NSF: variants seen among roughly 807,000 people sequenced by gnomAD.
The protein encoded by NSF is vesicle-fusing ATPase.
Under a neutral mutation model 50.3 loss-of-function variants are expected in NSF, and 14 were observed. The observed-to-expected ratio is 0.28, with a 90% confidence interval of 0.18 to 0.44. NSF has a LOEUF of 0.44. Ranked by LOEUF, NSF falls within the 20% of genes least tolerant of loss-of-function variation. The probability of loss-of-function intolerance (pLI) is 1.00; values close to 1 mark genes in which losing one functional copy is unlikely to be tolerated. For synonymous variants in NSF, 109 were observed against 175.7 expected, an observed-to-expected ratio of 0.62 and a Z score of 3.00; for missense variants, 218 against 504.3, an observed-to-expected ratio of 0.43 and a Z score of 5.44.
chr17:46,712,838 T>C (rs1205376475), intron 14 of NSF, among the ~76,000 whole-genome samples: 1 of 151,908 alleles, frequency 6.6e-6, no homozygotes, highest in Non-Finnish European at 1.5e-5. Context: ...AAAGAGAGAA[T>C]GTGTGTTACA....
In NSF at chr17:46,755,366, G is replaced by A. The variant is rs754877193; in HGVS notation, c.2210G>A (p.Gly737Glu). The A allele has an allele frequency of 6.2e-7, 1 of 1,612,642 alleles. No homozygotes were observed. Among genetic ancestry groups the A allele is most frequent in the Non-Finnish European group, 8.5e-7 (1 of 1,178,594 alleles). ...RKFLALLREE[G>E]ASPLDFD ...TTCTTGGCCCTCTTAAGAGAAGAAG[G>A]AGCGTAAGTACATACAACATTTAAT... The change falls in exon 20 of 21, where the codon GGA becomes GAA. Residue 737 changes from glycine to glutamate, a missense_variant. Physicochemically the swap from Gly to Glu is moderately conservative, Grantham distance 98. This residue lies in a region of NSF where 209 missense variants were observed against 320.9 expected (regional missense o/e 0.65). Transcript: ENST00000398238.
intron 9 of NSF, among the ~76,000 whole-genome samples, chr17:46,678,487 AAG>A (rs375594195): frequency 1.6e-3 from 234 of 145,712 alleles, no homozygotes; most frequent in Admixed American, 1.7e-3. Flanking sequence ...AAGAGAGAGT[AAG>A]AGAGAGAGAG....
rs1230464758 is a variant in NSF at position 46,610,023 on chromosome 17, TTCTTTC to T, written c.13-14217_13-14212del. The stretch of plus-strand genomic sequence containing the variant: ...TTTCTTTCTCTCTTTCTTTCTTTCT[TTCTTTC>T]TCTCTCTCTCTCTCTTTCTTTCTTT... On this transcript the variant is annotated intron_variant, in intron 1 of 20. Coordinates refer to ENST00000398238, the MANE Select transcript of NSF (RefSeq NM_006178.4). Among the ~76,000 whole-genome samples the T allele has an allele frequency of 8.6e-5, 7 of 81,312 alleles. 1 individual carries two copies. The highest frequency in any genetic ancestry group is 9.8e-3 in the Middle Eastern group (1 of 102). 53.3% of individuals were successfully genotyped at this position (81,312 alleles called of 152,430 possible).
intron 1 of NSF, among the ~76,000 whole-genome samples, chr17:46,601,878 T>TAAAA (rs533376609): frequency 5.0e-5 from 7 of 140,720 alleles, no homozygotes; most frequent in African/African-American, 2.0e-4. Flanking sequence ...CCCACTCCTT[T>TAAAA]AAAAAAAAAA....
At chr17:46,732,372 C>G (rs1461351938) in intron 17 of NSF, among the ~76,000 whole-genome samples, 1 of 130,764 alleles carries the variant, frequency 7.6e-6, no homozygotes, top group East Asian at 2.6e-4. Context: ...CCCCTCCCTT[C>G]TTGTAAATTG....
chr17:46,710,840 C>A, intron 13 of NSF, 123 bp from the exon 14 acceptor site: 5 of 827,186 alleles, frequency 6.0e-6, no homozygotes, highest in Non-Finnish European at 8.8e-6. Flanking sequence ...GCTTTCCAGG[C>A]TTTTTATATT....
chr17:46,724,784 A>G (rs1260328758), intron 15 of NSF, among the ~76,000 whole-genome samples: 1 of 152,140 alleles, frequency 6.6e-6, no homozygotes, highest in East Asian at 1.9e-4. Context: ...GAGTGAGTGA[A>G]TGAATAAGGC....
chr17:46,752,558 C>T (rs896438596), intron 19 of NSF, among the ~76,000 whole-genome samples: 5 of 152,122 alleles, frequency 3.3e-5, no homozygotes, highest in Non-Finnish European at 7.3e-5. Flanking sequence ...CAGGCTCAGG[C>T]GTTCCTCCCG....
chr17:46,755,765 T>G (rs1336225812), intron 20 of NSF, 37 bp from the exon 21 acceptor site: 1 of 1,514,420 alleles, frequency 6.6e-7, no homozygotes, highest in African/African-American at 1.4e-5. Context: ...TTACGGACCC[T>G]CATCTGTTTT....
At chr17:46,747,225 T>C (rs1193722605) in intron 17 of NSF, among the ~76,000 whole-genome samples, 2 of 152,208 alleles carry the variant, frequency 1.3e-5, no homozygotes, top group Non-Finnish European at 2.9e-5. Flanking sequence ...GGGCAAGTCA[T>C]AGGAAACAGA....
chr17:46,722,285 T>TA, intron 15 of NSF: 1 of 783,692 alleles, frequency 1.3e-6, no homozygotes, highest in Non-Finnish European at 2.2e-6. Context: ...TAAGATACGG[T>TA]TCTTACCTTC....
intron 17 of NSF, among the ~76,000 whole-genome samples, chr17:46,740,761 A>AAG (rs2059063155): frequency 2.0e-5 from 3 of 151,336 alleles, no homozygotes; most frequent in Middle Eastern, 3.4e-3. Flanking sequence ...TCCTGGGTTC[A>AAG]AGTGATTCTC....
At position 46,719,544 on chromosome 17, in the gene NSF, T is replaced by C. The variant is rs932768844; in HGVS notation, c.1761+5558T>C. Reference sequence around the variant, plus strand: ...CTCCTCAAAACTGCTGAAGTATGTATGAGGTATTGTCCTCACGTTCTGGGG... The same window carrying C: ...CTCCTCAAAACTGCTGAAGTATGTACGAGGTATTGTCCTCACGTTCTGGGG... On this transcript the variant is annotated intron_variant, in intron 15 of 20. Transcript: ENST00000398238. The surrounding 1 kb of genome is among the most constrained non-coding windows in gnomAD (Gnocchi z 4.3). Among the ~76,000 whole-genome samples, 7 of 152,210 alleles carry C rather than the reference T, an allele frequency of 4.6e-5. No homozygotes were observed. The highest frequency in any genetic ancestry group is 1.7e-4 in the African/African-American group (7 of 41,460).
chr17:46,691,905 AC>A (rs1238762234), intron 9 of NSF, among the ~76,000 whole-genome samples: 9 of 151,104 alleles, frequency 6.0e-5, no homozygotes, highest in African/African-American at 2.2e-4. Context: ...GGCACCTGCC[AC>A]CACACCCAGC....
At chr17:46,730,351 G>A (rs1272900215) in intron 17 of NSF, among the ~76,000 whole-genome samples, 1 of 152,004 alleles carries the variant, frequency 6.6e-6, no homozygotes, top group Non-Finnish European at 1.5e-5. Context: ...AAGTCACTTG[G>A]GAGAAGGAAG....
intron 16 of NSF, among the ~76,000 whole-genome samples, chr17:46,727,232 C>T (rs2058898685): frequency 2.0e-5 from 3 of 152,146 alleles, no homozygotes; most frequent in African/African-American, 7.2e-5. Context: ...TGCACTCCTA[C>T]AGAATACAAA....
rs1369484479 is a variant in NSF at position 46,728,860 on chromosome 17, G to A, written c.1834G>A (p.Val612Ile). 1 of 1,599,166 alleles carries A rather than the reference G, an allele frequency of 6.3e-7. No homozygotes were observed. The highest frequency in any genetic ancestry group is 8.5e-7 in the Non-Finnish European group (1 of 1,172,714). ...TAATAATGTTTCTTTTCCAGATTAC[G>A]TCCCTATTGGCCCTCGATTTTCAAA... The part of the protein sequence containing the change: ...VDDIERLLDY[V>I]PIGPRFSNLV... Residue 612 changes from valine to isoleucine, a missense_variant, in exon 17 of 21, where the codon GTC becomes ATC. By Grantham distance (29) the Val-to-Ile change is conservative (BLOSUM62 3). Around this residue, in one of 2 missense-constraint regions of NSF, gnomAD observed 209 missense variants for 320.9 expected, o/e 0.65. Transcript: ENST00000398238.
In NSF at chr17:46,631,105, C is replaced by CACAT. The variant is rs1491185367; in HGVS notation, c.238+656_238+657insCATA. Among the ~76,000 whole-genome samples the CACAT allele has an allele frequency of 1.3e-3, 182 of 145,426 alleles. 2 individuals are homozygous for CACAT. The highest frequency in any genetic ancestry group is 1.7e-3 in the Non-Finnish European group (116 of 67,438). On this transcript the variant is annotated intron_variant, in intron 4 of 20. Transcript: ENST00000398238. ...ACACACACACACACACACACACACA[C>CACAT]ATCTTTTATCCTACTCCTCATTTAG...
chr17:46,720,632 A>G (rs982902031), intron 15 of NSF, among the ~76,000 whole-genome samples: 1 of 152,222 alleles, frequency 6.6e-6, no homozygotes, highest in African/African-American at 2.4e-5. Flanking sequence ...TTACGTTTTT[A>G]TATGCTACCA....
Sources: allele counts gnomAD v4.1 joint callset (sites outside exome capture counted in the v4.1 genomes callset), GRCh38; gene constraint gnomAD v4.1.1; regional missense constraint gnomAD v4.1.1; non-coding constraint Gnocchi (gnomAD v3.1); transcripts MANE v1.5; gene names NCBI Gene and HGNC (gene_info 2026-07-23, HGNC 2026-07-21).